Variants in GAPVD1 observed in about 807,000 individuals in gnomAD.
The protein encoded by GAPVD1 is GTPase activating protein and VPS9 domains 1, also known as GTPase-activating protein and VPS9 domain-containing protein 1.
Under a neutral mutation model 155.5 loss-of-function variants are expected in GAPVD1, and 35 were observed. The observed-to-expected ratio is 0.23, with a 90% CI of 0.17 to 0.30. The LOEUF (loss-of-function observed/expected upper bound fraction) is 0.30, where lower values mean the gene tolerates loss of function less well. Among genes scored for constraint, GAPVD1 ranks in the 10% least tolerant of loss-of-function variants. GAPVD1 has a pLI of 1.00. For synonymous variants in GAPVD1, 636 were observed against 619.7 expected (o/e 1.03, Z -0.39); for missense variants, 1,429 against 1,775.7 (o/e 0.80, Z 3.51).
intron 12 of GAPVD1, among the ~76,000 whole-genome samples, chr9:125,328,823 C>T (rs1845605579): frequency 9.1e-6 from 1 of 109,780 alleles, no homozygotes; most frequent in South Asian, 2.8e-4. Context: ...GCTGGCCGGG[C>T]AGGGGGCTGA....
intron 8 of GAPVD1, among the ~76,000 whole-genome samples, chr9:125,309,738 A>G (rs1842386124): frequency 6.6e-6 from 1 of 152,326 alleles, no homozygotes; most frequent in Non-Finnish European, 1.5e-5. Context: ...GCTATACATT[A>G]GTTTTTTCAT....
intron 3 of GAPVD1, among the ~76,000 whole-genome samples, chr9:125,297,692 A>G (rs1039913923): frequency 2.0e-5 from 3 of 152,214 alleles, no homozygotes; most frequent in Non-Finnish European, 4.4e-5. Flanking sequence ...CTATCATGAA[A>G]TAAAGCCTGT....
Position 125,272,188 on chromosome 9 carries a change from T to C in GAPVD1, c.-150+3204T>C, listed in dbSNP as rs374148320. Among the ~76,000 whole-genome samples the C allele has an allele frequency of 1.2e-4, 18 of 152,222 alleles. 1 individual carries two copies. In the South Asian group the frequency reaches 3.1e-3, roughly 26 times the overall value. On this transcript the variant is annotated intron_variant, in intron 2 of 27. Transcript: ENST00000297933. ...ACAGGCGCCTGCCACCCTGCCTGGC[T>C]AATTTCTGTATTTTTAATAGAGAAG...
Position 125,347,733 on chromosome 9 carries a change from A to G in GAPVD1, c.3169+792A>G, listed in dbSNP as rs181129880. ...AAGACCCTGTCTCAAAAAAAAAAAA[A>G]CAAACATAAATAGTATACTGCATAA... is the stretch of plus-strand genomic sequence containing the variant. On this transcript the variant is annotated intron_variant, in intron 20 of 27. Coordinates refer to ENST00000297933, the MANE Select transcript of GAPVD1 (RefSeq NM_001282680.3). Among the ~76,000 whole-genome samples the G allele has an allele frequency of 3.3e-4, 49 of 147,190 alleles. 1 individual carries two copies. The East Asian group carries it at 9.5e-3, about 29-fold the overall frequency.
chr9:125,333,332 G>A (rs1196461759), intron 15 of GAPVD1, among the ~76,000 whole-genome samples: 1 of 151,796 alleles, frequency 6.6e-6, no homozygotes, highest in Non-Finnish European at 1.5e-5. Context: ...CACCTGCCTC[G>A]GCCTCCCAAA....
intron 12 of GAPVD1, among the ~76,000 whole-genome samples, chr9:125,327,403 A>G (rs1438271101): frequency 3.3e-5 from 5 of 152,168 alleles, no homozygotes; most frequent in Non-Finnish European, 7.3e-5. Context: ...GATTTGTTAC[A>G]TGGGAAATTG....
In GAPVD1 at chr9:125,365,114, T is replaced by A. The variant is rs1851385120; in HGVS notation, c.*2368T>A. ...GCTGTGTTGGAGCCGGGGCTGAGGG[T>A]AGACCCCCCAGAGATTTGACATCTG... On this transcript the variant is annotated 3_prime_UTR_variant, in exon 28 of 28. Transcript: ENST00000297933. 6.6e-6 allele frequency: 1 copy of A among 152,044 alleles called. No individual in the cohort carries two copies. The highest frequency in any genetic ancestry group is 6.6e-5 in the Admixed American group (1 of 15,254). 9.4% of individuals were successfully genotyped at this position (152,044 alleles called of 1,614,324 possible). A position where few individuals can be genotyped will look rare whatever the true frequency, so the allele number is the denominator to read the frequency against.
chr9:125,265,321 T>G lies in GAPVD1; in HGVS notation c.-199+3362T>G, dbSNP rs544136230. 5.3e-5 allele frequency among the ~76,000 whole-genome samples: 8 copies of G among 152,228 alleles called. No individual in the cohort carries two copies. In the South Asian group the frequency reaches 1.7e-3, roughly 32 times the overall value. On this transcript the variant is annotated intron_variant, in intron 1 of 27. Transcript: ENST00000297933. ...TCTTGCTGCATTGCCCAGGCTGGACTTGAACTCCTGGACTTGAGTGATCCT... is the reference window on the plus strand; with the variant it reads ...TCTTGCTGCATTGCCCAGGCTGGACGTGAACTCCTGGACTTGAGTGATCCT...
chr9:125,308,674 T>C (rs1842226986), intron 8 of GAPVD1: 1 of 152,318 alleles, frequency 6.6e-6, no homozygotes, highest in Admixed American at 6.5e-5. Flanking sequence ...GTAGGCACTT[T>C]ATAAATGTTG....
chr9:125,321,095 C>G (rs1426705819), intron 9 of GAPVD1, among the ~76,000 whole-genome samples: 1 of 152,074 alleles, frequency 6.6e-6, no homozygotes, highest in African/African-American at 2.4e-5. Context: ...ACTTGCCTAT[C>G]CAAGGTTACA....
chr9:125,313,501 C>T (rs1204759898), intron 9 of GAPVD1, among the ~76,000 whole-genome samples: 1 of 151,976 alleles, frequency 6.6e-6, no homozygotes, highest in African/African-American at 2.4e-5. Flanking sequence ...GAAGGGGTTC[C>T]ACCGTGTTAG....
chr9:125,357,982 A>G (rs1052996652), intron 25 of GAPVD1, among the ~76,000 whole-genome samples: 2 of 151,034 alleles, frequency 1.3e-5, no homozygotes, highest in African/African-American at 4.9e-5. Flanking sequence ...CTTTAAAAAA[A>G]AAAAACACAC....
intron 2 of GAPVD1, among the ~76,000 whole-genome samples, chr9:125,286,731 G>A (rs143799821): frequency 1.4e-3 from 208 of 152,098 alleles, no homozygotes; most frequent in African/African-American, 4.8e-3. Context: ...TTGAGGACAC[G>A]GAAAGACAGG....
At chr9:125,323,978 A>G in intron 11 of GAPVD1, 55 bp downstream of exon 11, 1 of 1,523,670 alleles carries the variant, frequency 6.6e-7, no homozygotes, top group East Asian at 2.3e-5. Context: ...CCTGATTGCA[A>G]GATGAGCAGT....
chr9:125,302,331 C>T lies in GAPVD1; in HGVS notation c.534C>T (p.Phe178=), dbSNP rs374675443. 8.1e-6 allele frequency: 13 copies of T among 1,613,924 alleles called. No homozygotes were observed. In the African/African-American group the frequency reaches 1.6e-4, roughly 20 times the overall value. ...TTTTGAGGAGAGGAACTTGTGCCTT[C>T]AGCATCTTATTTAAACTTTTTTCTG... ...RRLLRRGTCA[F]SILFKLFSEG... Residue 178 remains phenylalanine (F), a synonymous_variant, in exon 5 of 28, where the codon TTC becomes TTT. Coordinates refer to ENST00000297933, the MANE Select transcript of GAPVD1 (RefSeq NM_001282680.3).
At chr9:125,297,342 T>C (rs749997725) in intron 3 of GAPVD1, among the ~76,000 whole-genome samples, 3 of 152,184 alleles carry the variant, frequency 2.0e-5, no homozygotes, top group Non-Finnish European at 4.4e-5. Flanking sequence ...AACATGCAGG[T>C]AGATATCTGT....
chr9:125,360,138 A>G (rs1850700491), intron 26 of GAPVD1, among the ~76,000 whole-genome samples: 1 of 152,244 alleles, frequency 6.6e-6, no homozygotes, highest in Non-Finnish European at 1.5e-5. Flanking sequence ...GTTCCTGTGT[A>G]GAGCCAGTTT....
intron 9 of GAPVD1, among the ~76,000 whole-genome samples, chr9:125,318,374 C>T (rs962241284): frequency 5.3e-5 from 8 of 152,166 alleles, no homozygotes; most frequent in Non-Finnish European, 1.0e-4. Flanking sequence ...ATTAGATTTT[C>T]GTATTTTATA....
rs1851418512 is a variant in GAPVD1 at position 125,365,435 on chromosome 9, C to T, written c.*2689C>T. On this transcript the variant is annotated 3_prime_UTR_variant, in exon 28 of 28. Coordinates refer to ENST00000297933, the MANE Select transcript of GAPVD1 (RefSeq NM_001282680.3). Reference sequence around the variant, plus strand: ...ATTAGTGTAAAAGTACAAAATCAGCCCAGGAAACATTCAGCAGCCACTAGT... The same window carrying T: ...ATTAGTGTAAAAGTACAAAATCAGCTCAGGAAACATTCAGCAGCCACTAGT... The T allele has an allele frequency of 6.6e-6, 1 of 151,724 alleles. No homozygotes were observed. Among genetic ancestry groups the T allele is most frequent in the Non-Finnish European group, 1.5e-5 (1 of 67,968 alleles). 9.4% of individuals were successfully genotyped at this position (151,724 alleles called of 1,614,324 possible).
Sources: gnomAD v4.1 joint callset for allele counts (sites outside exome capture counted in the v4.1 genomes callset) on GRCh38, gnomAD v4.1.1 for gene constraint, MANE v1.5 for transcripts, NCBI Gene and HGNC (gene_info 2026-07-23, HGNC 2026-07-21) for gene names.